ATP8A2: variants seen among roughly 807,000 people sequenced by gnomAD.
The protein encoded by ATP8A2 is ATPase phospholipid transporting 8A2, also known as phospholipid-transporting ATPase IB.
In ATP8A2, 100 loss-of-function variants were observed where a neutral mutation model predicts 165.6. The observed-to-expected ratio is 0.60, with a 90% confidence interval of 0.51 to 0.71. ATP8A2 has a LOEUF of 0.71. Among genes scored for constraint, ATP8A2 ranks in the 30% least tolerant of loss-of-function variants. The pLI is 0.00. For missense variants in ATP8A2, 1,227 were observed against 1,479.5 expected (o/e 0.83, Z 2.80); for synonymous variants, 543 against 548.8 (o/e 0.99, Z 0.15).
chr13:25,793,539 A>G (rs1046779555), intron 27 of ATP8A2, among the ~76,000 whole-genome samples: 4 of 152,196 alleles, frequency 2.6e-5, no homozygotes, highest in African/African-American at 9.6e-5. Flanking sequence ...GTGTATGTGT[A>G]TTATACACAC....
At chr13:25,747,947 G>A (rs77264595) in intron 25 of ATP8A2, among the ~76,000 whole-genome samples, 1 of 139,712 alleles carries the variant, frequency 7.2e-6, no homozygotes, top group Non-Finnish European at 1.6e-5. Flanking sequence ...TTATTACAAA[G>A]ACATTTATTG....
At position 25,609,565 on chromosome 13, in the gene ATP8A2, T is replaced by TCAAATATATATATATATATTTGGATC; in HGVS notation, c.2211+19883_2211+19884insATTTGGATCCAAATATATATATATAT. ...CAAATATATATATATATATTTGGAT[T>TCAAATATATATATATATATTTGGATC]CAAATATATATATATATTTGGGTTC... On this transcript the variant is annotated intron_variant, in intron 24 of 36. Transcript: ENST00000381655. 3.6e-3 allele frequency among the ~76,000 whole-genome samples: 428 copies of TCAAATATATATATATATATTTGGATC among 120,542 alleles called. 11 individuals are homozygous for TCAAATATATATATATATATTTGGATC. Among genetic ancestry groups the TCAAATATATATATATATATTTGGATC allele is most frequent in the South Asian group, 4.6e-3 (18 of 3,894 alleles). 79.1% of individuals were successfully genotyped at this position (120,542 alleles called of 152,430 possible).
intron 2 of ATP8A2, among the ~76,000 whole-genome samples, chr13:25,481,223 C>A (rs116030659): frequency 6.6e-6 from 1 of 151,834 alleles, no homozygotes; most frequent in African/African-American, 2.4e-5. Context: ...GGGACAGGGA[C>A]AGGGACAGGA....
chr13:25,637,833 G>C (rs1418907038), intron 24 of ATP8A2, among the ~76,000 whole-genome samples: 1 of 152,180 alleles, frequency 6.6e-6, no homozygotes, highest in African/African-American at 2.4e-5. Flanking sequence ...TGACCCCCGA[G>C]TAGCCTAACT....
At position 25,679,013 on chromosome 13, in the gene ATP8A2, T is replaced by A. The variant is rs148535940; in HGVS notation, c.2212-20160T>A. Among the ~76,000 whole-genome samples, 435 of 152,236 alleles carry A rather than the reference T, an allele frequency of 2.9e-3. 4 individuals are homozygous for A. The highest frequency in any genetic ancestry group is 0.01 in the African/African-American group (419 of 41,546). On this transcript the variant is annotated intron_variant, in intron 24 of 36. Transcript: ENST00000381655. ...ATGACAACATGAATCAAGAATATGATAATGGAAAAATTAGGGAGACAACAG... is the reference window on the plus strand; with the variant it reads ...ATGACAACATGAATCAAGAATATGAAAATGGAAAAATTAGGGAGACAACAG...
At chr13:25,877,637 C>T (rs1036001742) in intron 33 of ATP8A2, among the ~76,000 whole-genome samples, 5 of 152,156 alleles carry the variant, frequency 3.3e-5, no homozygotes, top group African/African-American at 1.2e-4. Flanking sequence ...AAGGGTGTCT[C>T]CTCCCATGTT....
chr13:25,418,985 G>C (rs2034215487), intron 1 of ATP8A2, among the ~76,000 whole-genome samples: 1 of 152,048 alleles, frequency 6.6e-6, no homozygotes, highest in Non-Finnish European at 1.5e-5. Context: ...CTGGAAGAGG[G>C]GGAAAAAAGG....
At chr13:25,824,360 A>G (rs1951258241) in intron 27 of ATP8A2, among the ~76,000 whole-genome samples, 1 of 152,164 alleles carries the variant, frequency 6.6e-6, no homozygotes, top group African/African-American at 2.4e-5. Context: ...TCTTTGCTAT[A>G]TTAGACATCT....
intron 27 of ATP8A2, among the ~76,000 whole-genome samples, chr13:25,798,617 A>G (rs1206794911): frequency 6.6e-6 from 1 of 152,218 alleles, no homozygotes; most frequent in African/African-American, 2.4e-5. Context: ...CATTGACAGT[A>G]TTTGAAGGAG....
intron 33 of ATP8A2, among the ~76,000 whole-genome samples, chr13:25,888,954 C>A (rs968120564): frequency 6.6e-6 from 1 of 152,048 alleles, no homozygotes; most frequent in African/African-American, 2.4e-5. Context: ...TGTGAAAATA[C>A]TATTTCTGAA....
intron 25 of ATP8A2, among the ~76,000 whole-genome samples, chr13:25,754,310 C>T (rs979395070): frequency 3.9e-5 from 6 of 152,202 alleles, no homozygotes; most frequent in African/African-American, 1.2e-4. Context: ...TGCCACTATG[C>T]CGGCTGCCCA....
Position 25,606,861 on chromosome 13 carries a change from A to T in ATP8A2, c.2211+17162A>T, listed in dbSNP as rs117434795. On this transcript the variant is annotated intron_variant, in intron 24 of 36. Coordinates refer to ENST00000381655, the MANE Select transcript of ATP8A2 (RefSeq NM_016529.6). ...TCAATTTTAAGTAATTTAAATTTTA[A>T]TAGCCACATGTGACTAGTGGCTACT... 5.2e-3 allele frequency among the ~76,000 whole-genome samples: 792 copies of T among 152,296 alleles called. 15 individuals are homozygous for T. Among genetic ancestry groups the T allele is most frequent in the Admixed American group, 0.032 (491 of 15,296 alleles).
chr13:25,387,502 T>C (rs536119479), intron 1 of ATP8A2, among the ~76,000 whole-genome samples: 2 of 152,206 alleles, frequency 1.3e-5, no homozygotes, highest in African/African-American at 2.4e-5. Flanking sequence ...ACTTCTGTCG[T>C]TGGGATGTGC....
intron 2 of ATP8A2, among the ~76,000 whole-genome samples, chr13:25,482,722 T>A (rs1286184938): frequency 5.3e-5 from 8 of 152,194 alleles, no homozygotes; most frequent in Non-Finnish European, 8.8e-5. Flanking sequence ...CATACTATTC[T>A]CGTGGTAGTG....
chr13:25,909,360 A>G (rs1392268531), intron 33 of ATP8A2, among the ~76,000 whole-genome samples: 3 of 152,248 alleles, frequency 2.0e-5, no homozygotes, highest in African/African-American at 7.2e-5. Flanking sequence ...ACACAATGTA[A>G]ATATGTACCA....
rs568149519 is a variant in ATP8A2, at chr13:25,791,748, A to G, written c.2679+16789A>G. ...TTTGCCTTCTGTGGAGCTCTTTACC[A>G]TAAGAACAAGCAACAATGACATGTT... On this transcript the variant is annotated intron_variant, in intron 27 of 36. Transcript: ENST00000381655. 4.6e-5 allele frequency among the ~76,000 whole-genome samples: 7 copies of G among 152,322 alleles called. No homozygotes were observed. The South Asian group carries it at 8.3e-4, about 18-fold the overall frequency.
intron 24 of ATP8A2, among the ~76,000 whole-genome samples, chr13:25,600,396 G>T (rs566372660): frequency 6.6e-6 from 1 of 152,324 alleles, no homozygotes; most frequent in African/African-American, 2.4e-5. Flanking sequence ...AGCATAGGCT[G>T]AACACAGAAG....
At chr13:25,837,771 G>T (rs993322131) in intron 29 of ATP8A2, among the ~76,000 whole-genome samples, 1 of 152,086 alleles carries the variant, frequency 6.6e-6, no homozygotes, top group Non-Finnish European at 1.5e-5. Flanking sequence ...TGAACTCAGG[G>T]ATCACATGAG....
In ATP8A2 at chr13:25,961,613, A is replaced by G; in HGVS notation, c.3222A>G (p.Gly1074=). Residue 1074 remains glycine, a synonymous_variant, in exon 34 of 37, where the codon GGA becomes GGG. Coordinates refer to ENST00000381655, the MANE Select transcript of ATP8A2 (RefSeq NM_016529.6). ...MVLSSAHFWL[G]LFLVPTACLI... Reference sequence around the variant, plus strand: ...TGAGCTCCGCACACTTCTGGTTGGGATTATTTCTGGTTCCTACTGCCTGTT... The same window carrying G: ...TGAGCTCCGCACACTTCTGGTTGGGGTTATTTCTGGTTCCTACTGCCTGTT... The G allele has an allele frequency of 6.2e-7, 1 of 1,614,036 alleles. No homozygotes were observed. The highest frequency in any genetic ancestry group is 1.3e-5 in the African/African-American group (1 of 75,010).
Sources: gnomAD v4.1 joint callset for allele counts (sites outside exome capture counted in the v4.1 genomes callset) on GRCh38, gnomAD v4.1.1 for gene constraint, MANE v1.5 for transcripts, NCBI Gene and HGNC (gene_info 2026-07-23, HGNC 2026-07-21) for gene names.